ATF6: variants seen among roughly 807,000 people sequenced by gnomAD.
ATF6 encodes the protein cyclic AMP-dependent transcription factor ATF-6 alpha.
ATF6 carries 53 observed loss-of-function variants against 83.6 expected under a neutral mutation model. The ratio of observed to expected loss-of-function variants is 0.63; its 90% CI spans 0.51 to 0.80. The LOEUF is 0.80. Among genes scored for constraint, ATF6 ranks in the 30% least tolerant of loss-of-function variants. ATF6 has a pLI of 0.00. For synonymous variants in ATF6, 288 were observed against 285.8 expected (o/e 1.01, Z -0.08); for missense variants, 744 against 797.9 (o/e 0.93, Z 0.81).
At chr1:161,928,652 G>A (rs56119249) in intron 15 of ATF6, among the ~76,000 whole-genome samples, 3,030 of 151,678 alleles carry the variant, frequency 0.02, 111 homozygotes, top group African/African-American at 0.068. Context: ...TTTTTAGTAG[G>A]TAAATGTCAG....
Position 161,781,924 on chromosome 1 carries a change from G to T in ATF6, c.172G>T (p.Asp58Tyr). The T allele has an allele frequency of 6.2e-7, 1 of 1,607,666 alleles. No homozygotes were observed. Among genetic ancestry groups the T allele is most frequent in the South Asian group, 1.1e-5 (1 of 89,928 alleles). Residue 58 changes from aspartate to tyrosine, a missense_variant, in exon 3 of 16, where the codon GAT (aspartate) becomes TAT (tyrosine). Transcript: ENST00000367942. ...TTGAAACCTACAGGAAAACAATTTTGATAATCTTGATTTTGATTTGGATTT... is the reference window on the plus strand; with the variant it reads ...TTGAAACCTACAGGAAAACAATTTTTATAATCTTGATTTTGATTTGGATTT... ...AANETYENNF[D>Y]NLDFDLDLMP...
In ATF6 at chr1:161,860,196, T is replaced by TA; in HGVS notation, c.1534-9dup. The TA allele has an allele frequency of 6.4e-7, 1 of 1,558,092 alleles. No individual in the cohort carries two copies. Among genetic ancestry groups the TA allele is most frequent in the Non-Finnish European group, 8.7e-7 (1 of 1,154,112 alleles). On this transcript the variant is annotated splice_polypyrimidine_tract_variant and intron_variant, in intron 12 of 15. Coordinates refer to ENST00000367942, the MANE Select transcript of ATF6 (RefSeq NM_007348.4). Reference sequence around the variant, plus strand: ...TACAGTATTAAACTTTTTTTTTTTTTAATATTCCAGGGTGCTCTGGAACAG... The same window carrying TA: ...TACAGTATTAAACTTTTTTTTTTTTTAAATATTCCAGGGTGCTCTGGAACAG...
At chr1:161,924,969 T>C (rs1216741204) in intron 15 of ATF6, among the ~76,000 whole-genome samples, 1 of 152,258 alleles carries the variant, frequency 6.6e-6, no homozygotes, top group African/African-American at 2.4e-5. Context: ...CCGCCATGTA[T>C]AGAGACTGCC....
chr1:161,841,504 A>G (rs1229454885), intron 9 of ATF6, among the ~76,000 whole-genome samples: 1 of 152,204 alleles, frequency 6.6e-6, no homozygotes, highest in African/African-American at 2.4e-5. Flanking sequence ...AAAAACGTTA[A>G]AAGATTCTTA....
chr1:161,856,479 A>G (rs912960099), intron 12 of ATF6, among the ~76,000 whole-genome samples: 1 of 152,196 alleles, frequency 6.6e-6, no homozygotes. Context: ...CAGAGGAAAA[A>G]TGGACCCTCT....
In ATF6 at chr1:161,963,905, A is replaced by G. The variant is rs559780779; in HGVS notation, c.*5251A>G. Reference sequence around the variant, plus strand: ...CAGGTTGTACCCATGCCAATTGAAGAACGTGTTAAAGATGAGGAGGAGAGA... The same window carrying G: ...CAGGTTGTACCCATGCCAATTGAAGGACGTGTTAAAGATGAGGAGGAGAGA... On this transcript the variant is annotated 3_prime_UTR_variant, in exon 16 of 16. Coordinates refer to ENST00000367942, the MANE Select transcript of ATF6 (RefSeq NM_007348.4). 1 of 152,238 alleles carries G rather than the reference A, an allele frequency of 6.6e-6. No homozygotes were observed. Among genetic ancestry groups the G allele is most frequent in the East Asian group, 1.9e-4 (1 of 5,174 alleles). The allele number at this position is 152,238 out of a possible 1,614,324, so 9.4% of individuals were successfully genotyped here.
intron 11 of ATF6, 55 bp from the exon 12 acceptor site, chr1:161,853,169 C>T (rs2340717): frequency 0.92 from 1,156,950 of 1,258,932 alleles, 532,162 homozygotes; most frequent in East Asian, 1. Context: ...GGTGAAACAT[C>T]CATTTCTATG....
In ATF6 at chr1:161,910,366, G is replaced by A. The variant is rs189831673; in HGVS notation, c.1720-1930G>A. ...CCTTTAATAATTAGAGACAAGGCAGGTTAACTGTAATAATTCGTATGCATG... is the reference window on the plus strand; with the variant it reads ...CCTTTAATAATTAGAGACAAGGCAGATTAACTGTAATAATTCGTATGCATG... On this transcript the variant is annotated intron_variant, in intron 14 of 15. Coordinates refer to ENST00000367942, the MANE Select transcript of ATF6 (RefSeq NM_007348.4). Among the ~76,000 whole-genome samples, 213 of 152,220 alleles carry A rather than the reference G, an allele frequency of 1.4e-3. 1 individual carries two copies. The highest frequency in any genetic ancestry group is 5.0e-3 in the African/African-American group (206 of 41,526).
At chr1:161,766,486 T>C (rs200312577) in intron 1 of ATF6, 44 bp downstream of exon 1, 65 of 1,584,896 alleles carry the variant, frequency 4.1e-5, no homozygotes, top group Non-Finnish European at 2.9e-5. Context: ...CGGGTTCGCG[T>C]CTAAAGGTTT....
intron 1 of ATF6, among the ~76,000 whole-genome samples, chr1:161,773,140 A>ATTTTTTTTTTTTT (rs759769528): frequency 0.049 from 6,344 of 129,136 alleles, 295 homozygotes; most frequent in Admixed American, 0.098. Flanking sequence ...TACTTTTTGT[A>ATTTTTTTTTTTTT]TTTTTTTTTT....
In ATF6 at chr1:161,958,471, C is replaced by T. The variant is rs770989291; in HGVS notation, c.1830C>T (p.Tyr610=). ...AGAATGTGATCAATGGGCAGGACTA[C>T]GAAGTGATGATGCAGATTGACTGTC... is the stretch of plus-strand genomic sequence containing the variant. ...INENVINGQD[Y]EVMMQIDCQV... is the part of the protein sequence containing the mutation. The change falls in exon 16 of 16, where the codon TAC becomes TAT. Residue 610 remains tyrosine, a synonymous_variant. Coordinates refer to ENST00000367942, the MANE Select transcript of ATF6 (RefSeq NM_007348.4). 40 of 1,610,454 alleles carry T rather than the reference C, an allele frequency of 2.5e-5. No individual in the cohort carries two copies. The highest frequency in any genetic ancestry group is 7.7e-5 in the South Asian group (7 of 90,358).
chr1:161,958,582 C>T lies in ATF6; in HGVS notation c.1941C>T (p.Thr647=), dbSNP rs761554147. Residue 647 remains threonine, a synonymous_variant, in exon 16 of 16, where the codon ACC becomes ACT. Transcript: ENST00000367942. ...ATCAGCAGAGGAATCAAACCAACAC[C>T]TTCTTTGGCTCCCCTCCCGCAGCCA... The part of the protein sequence containing the change: ...LRDQQRNQTN[T]FFGSPPAATE... The T allele has an allele frequency of 6.2e-7, 1 of 1,614,066 alleles. No individual in the cohort carries two copies. Among genetic ancestry groups the T allele is most frequent in the Non-Finnish European group, 8.5e-7 (1 of 1,179,980 alleles).
chr1:161,847,167 G>A (rs751819956), intron 10 of ATF6, among the ~76,000 whole-genome samples: 16 of 152,242 alleles, frequency 1.1e-4, no homozygotes, highest in Non-Finnish European at 1.6e-4. Flanking sequence ...TTTTATAGTT[G>A]TATACTTTTT....
At chr1:161,888,536 A>T (rs1446121860) in intron 14 of ATF6, among the ~76,000 whole-genome samples, 1 of 152,154 alleles carries the variant, frequency 6.6e-6, no homozygotes. Flanking sequence ...ATAAATAAAA[A>T]TTCTTTCCCC....
intron 14 of ATF6, among the ~76,000 whole-genome samples, chr1:161,880,143 T>C (rs1485297793): frequency 6.6e-6 from 1 of 152,184 alleles, no homozygotes; most frequent in African/African-American, 2.4e-5. Context: ...TTTTCTGTTA[T>C]ATGAAGCAAA....
At chr1:161,779,093 CAGAAG>C (rs776199175) in intron 2 of ATF6, among the ~76,000 whole-genome samples, 5 of 152,242 alleles carry the variant, frequency 3.3e-5, no homozygotes, top group Non-Finnish European at 5.9e-5. Flanking sequence ...CATTAATCGA[CAGAAG>C]AGAATGAAGG....
intron 9 of ATF6, among the ~76,000 whole-genome samples, chr1:161,825,647 C>T (rs148283053): frequency 1.3e-5 from 2 of 152,050 alleles, no homozygotes; most frequent in East Asian, 3.9e-4. Flanking sequence ...GGGAAGAGTG[C>T]AGAGCTTTCA....
chr1:161,866,681 A>C (rs572392287), intron 14 of ATF6, among the ~76,000 whole-genome samples: 1 of 152,344 alleles, frequency 6.6e-6, no homozygotes, highest in South Asian at 2.1e-4. Flanking sequence ...CTTCCAAGTC[A>C]CTTTGAGTGT....
intron 4 of ATF6, among the ~76,000 whole-genome samples, chr1:161,786,980 GAGTT>G (rs1224935550): frequency 2.0e-5 from 3 of 152,184 alleles, no homozygotes; most frequent in African/African-American, 7.2e-5. Context: ...TGGGGATTAG[GAGTT>G]AGTTATTTTG....
Sources: allele counts gnomAD v4.1 joint callset (sites outside exome capture counted in the v4.1 genomes callset), GRCh38; gene constraint gnomAD v4.1.1; transcripts MANE v1.5; gene names NCBI Gene and HGNC (gene_info 2026-07-23, HGNC 2026-07-21).